GRM7: variants seen among roughly 807,000 people sequenced by gnomAD.
GRM7 encodes glutamate metabotropic receptor 7.
In GRM7, 35 loss-of-function variants were observed where a neutral mutation model predicts 84.5. That is an observed-to-expected ratio of 0.41 (90% CI 0.32 to 0.55). The LOEUF (loss-of-function observed/expected upper bound fraction) is 0.55. Ranked by LOEUF, GRM7 falls within the 20% of genes least tolerant of loss-of-function variation. The pLI is 0.19. For synonymous variants in GRM7, 487 were observed against 455.1 expected (o/e 1.07, Z -0.89); for missense variants, 1,003 against 1,194.6 (o/e 0.84, Z 2.36).
intron 5 of GRM7, among the ~76,000 whole-genome samples, chr3:7,419,126 A>G (rs900617692): frequency 1.3e-5 from 2 of 152,070 alleles, no homozygotes; most frequent in Non-Finnish European, 2.9e-5. Context: ...ATGTATATCA[A>G]CTCCAATCAG....
chr3:7,688,098 T>C (rs1260849375), intron 9 of GRM7, among the ~76,000 whole-genome samples: 4 of 152,136 alleles, frequency 2.6e-5, no homozygotes, highest in Non-Finnish European at 5.9e-5. Flanking sequence ...AGAAGGAATT[T>C]TCCTGGGTAA....
At chr3:7,600,023 T>G (rs1013154562) in intron 8 of GRM7, among the ~76,000 whole-genome samples, 16 of 152,156 alleles carry the variant, frequency 1.1e-4, no homozygotes, top group Non-Finnish European at 1.9e-4. Context: ...TCTGAGAGAC[T>G]GAAGTTTTTA....
chr3:7,455,610 G>A (rs1697976236), intron 6 of GRM7, among the ~76,000 whole-genome samples: 1 of 152,124 alleles, frequency 6.6e-6, no homozygotes, highest in Non-Finnish European at 1.5e-5. Flanking sequence ...CAAATTAAAA[G>A]ATGTTCTATA....
At chr3:7,081,557 G>A (rs971807388) in intron 1 of GRM7, among the ~76,000 whole-genome samples, 1 of 151,954 alleles carries the variant, frequency 6.6e-6, no homozygotes, top group Admixed American at 6.6e-5. Flanking sequence ...CCCCACAATG[G>A]CCTCTAATTA....
chr3:6,971,142 T>C (rs1693736273), intron 1 of GRM7, among the ~76,000 whole-genome samples: 1 of 147,264 alleles, frequency 6.8e-6, no homozygotes, highest in African/African-American at 2.5e-5. Context: ...ATGCAAAACA[T>C]GAAAGTAAAA....
In GRM7 at chr3:7,299,175, G is replaced by T. The variant is rs1267014213; in HGVS notation, c.878+350G>T. Among the ~76,000 whole-genome samples the T allele has an allele frequency of 2.0e-5, 3 of 152,074 alleles. No homozygotes were observed. The East Asian group carries it at 5.8e-4, about 29-fold the overall frequency. ...AAAAGAAAAATGTCTTAAAATTCTG[G>T]TTTTATTGCTAGTGCTTTAACTTCA... On this transcript the variant is annotated intron_variant, in intron 3 of 9. Transcript: ENST00000357716.
chr3:7,014,757 T>G (rs1415638560), intron 1 of GRM7, among the ~76,000 whole-genome samples: 1 of 152,210 alleles, frequency 6.6e-6, no homozygotes, highest in Non-Finnish European at 1.5e-5. Flanking sequence ...GTATCAAGTT[T>G]AACCATTGTA....
intron 8 of GRM7, among the ~76,000 whole-genome samples, chr3:7,622,739 T>C (rs1181799778): frequency 6.6e-6 from 1 of 152,030 alleles, no homozygotes; most frequent in Admixed American, 6.6e-5. Context: ...ACACTGGAAC[T>C]TGAAGCCCAC....
chr3:7,458,528 C>T (rs931702931), intron 6 of GRM7, among the ~76,000 whole-genome samples: 3 of 152,160 alleles, frequency 2.0e-5, no homozygotes, highest in African/African-American at 7.2e-5. Context: ...TGTGCTATTA[C>T]AAGTCATCAC....
intron 1 of GRM7, among the ~76,000 whole-genome samples, chr3:6,977,573 A>G (rs1486778918): frequency 6.6e-6 from 1 of 152,178 alleles, no homozygotes; most frequent in Non-Finnish European, 1.5e-5. Context: ...TGCCATCCCC[A>G]TAACCGAAAG....
chr3:7,128,610 G>T (rs1194850689), intron 1 of GRM7, among the ~76,000 whole-genome samples: 1 of 130,688 alleles, frequency 7.7e-6, no homozygotes, highest in African/African-American at 2.9e-5. Flanking sequence ...CAGGTTCAGC[G>T]ATTCTCTTGC....
At chr3:7,370,088 G>C (rs557890764) in intron 4 of GRM7, among the ~76,000 whole-genome samples, 1 of 152,158 alleles carries the variant, frequency 6.6e-6, no homozygotes, top group South Asian at 2.1e-4. Flanking sequence ...AATGAATCCT[G>C]TCAAAAGCAC....
In GRM7 at chr3:6,911,583, G is replaced by A. The variant is rs1409280444; in HGVS notation, c.519+49676G>A. Among the ~76,000 whole-genome samples, 7 of 152,042 alleles carry A rather than the reference G, an allele frequency of 4.6e-5. 1 individual carries two copies. Among genetic ancestry groups the A allele is most frequent in the Admixed American group, 3.9e-4 (6 of 15,240 alleles). ...ACTGGAAAAAGTCATCTCAGTAAAT[G>A]TTTGTACTACAAGACAAGTGGTAGC... On this transcript the variant is annotated intron_variant, in intron 1 of 9. Coordinates refer to ENST00000357716, the MANE Select transcript of GRM7 (RefSeq NM_000844.4).
chr3:7,489,976 C>T (rs2124948877), intron 7 of GRM7, among the ~76,000 whole-genome samples: 1 of 150,582 alleles, frequency 6.6e-6, no homozygotes, highest in African/African-American at 2.4e-5. Flanking sequence ...ATGTATATAC[C>T]CTCTAAAATT....
chr3:7,100,982 T>C (rs200563665), intron 1 of GRM7, among the ~76,000 whole-genome samples: 18 of 46,736 alleles, frequency 3.9e-4, no homozygotes, highest in Admixed American at 3.0e-3. Context: ...ATACTAAAGA[T>C]TTTTTATCCA....
chr3:7,706,201 C>T (rs1391413065), intron 9 of GRM7, among the ~76,000 whole-genome samples: 1 of 152,144 alleles, frequency 6.6e-6, no homozygotes, highest in Non-Finnish European at 1.5e-5. Flanking sequence ...CTTTATAGAG[C>T]CATATTGCCC....
chr3:7,121,677 G>A (rs1273448708), intron 1 of GRM7, among the ~76,000 whole-genome samples: 2 of 152,156 alleles, frequency 1.3e-5, no homozygotes, highest in Non-Finnish European at 2.9e-5. Context: ...ATCTATAGAT[G>A]TAAAGCCACT....
chr3:7,622,770 GA>G (rs1461438276), intron 8 of GRM7, among the ~76,000 whole-genome samples: 1 of 152,070 alleles, frequency 6.6e-6, no homozygotes, highest in Non-Finnish European at 1.5e-5. Flanking sequence ...GTGAAGTTTA[GA>G]AGAGGGATGT....
chr3:7,371,485 G>A (rs116509934), intron 4 of GRM7, among the ~76,000 whole-genome samples: 67 of 152,260 alleles, frequency 4.4e-4, no homozygotes, highest in African/African-American at 1.5e-3. Context: ...ATGAAAAAAG[G>A]CAACAAAATG....
Sources: allele counts gnomAD v4.1 joint callset (sites outside exome capture counted in the v4.1 genomes callset), GRCh38; gene constraint gnomAD v4.1.1; transcripts MANE v1.5; gene names NCBI Gene and HGNC (gene_info 2026-07-23, HGNC 2026-07-21).